The following PHYHIP variants were observed in gnomAD, a reference collection of about 807,000 sequenced individuals.
PHYHIP encodes phytanoyl-CoA hydroxylase-interacting protein.
PHYHIP carries 7 observed loss-of-function variants against 26.1 expected under a neutral mutation model. The ratio of observed to expected loss-of-function variants is 0.27; its 90% CI spans 0.15 to 0.50. The LOEUF is 0.50. PHYHIP is among the 20% of genes least tolerant of loss of function. The pLI, the probability that PHYHIP is intolerant of heterozygous loss-of-function variation, is 0.98. For missense variants in PHYHIP, 232 were observed against 454.7 expected (o/e 0.51, Z 4.45); for synonymous variants, 206 against 183.4 (o/e 1.12, Z -1.00).
chr8:22,227,162 C>T, intron 2 of PHYHIP, 137 bp from the exon 3 acceptor site: 1 of 767,736 alleles, frequency 1.3e-6, no homozygotes, highest in Non-Finnish European at 2.0e-6. Flanking sequence ...TCCAATGGCT[C>T]CATACCCTGG....
At position 22,228,129 on chromosome 8, in the gene PHYHIP, C is replaced by A. The variant is rs528818252; in HGVS notation, c.165+64G>T. ...CTCCAAGCCATCACTTCCAGGTGTT[C>A]CCTTATCCGGCCTCCTTCAGGAACA... On this transcript the variant is annotated intron_variant, in intron 2 of 4. Transcript: ENST00000454243. 457 of 1,367,048 alleles carry A rather than the reference C, an allele frequency of 3.3e-4. 8 individuals carry two copies. In the South Asian group the frequency reaches 4.4e-3, roughly 13 times the overall value. The allele number at this position is 1,367,048 out of a possible 1,614,324, so 84.7% of individuals were successfully genotyped here. A position where few individuals can be genotyped will look rare whatever the true frequency, so the allele number is the denominator to read the frequency against.
chr8:22,224,339 A>G lies in PHYHIP; in HGVS notation c.345T>C (p.Tyr115=), dbSNP rs2131923879. The change falls in exon 4 of 5, where the codon TAT becomes TAC. Residue 115 remains tyrosine, a synonymous_variant. Coordinates refer to ENST00000454243, the MANE Select transcript of PHYHIP (RefSeq NM_014759.5). ...GAAGCTGAGCCAGGTGCTCCTTGGCATAATCTGCAAGATCCCAGATGCGGT... is the reference window on the plus strand; with the variant it reads ...GAAGCTGAGCCAGGTGCTCCTTGGCGTAATCTGCAAGATCCCAGATGCGGT... ...SETVEFCTGD[Y]AKEHLAQLQE... The G allele has an allele frequency of 3.1e-6, 5 of 1,592,434 alleles. No individual in the cohort carries two copies. In the East Asian group the frequency reaches 8.9e-5, roughly 28 times the overall value.
At chr8:22,231,029 C>A (rs1479962525) in intron 1 of PHYHIP, among the ~76,000 whole-genome samples, 1 of 152,200 alleles carries the variant, frequency 6.6e-6, no homozygotes, top group Non-Finnish European at 1.5e-5. Context: ...TCTCTCGAAT[C>A]ATCTCCAGGC....
chr8:22,221,256 A>C lies in PHYHIP; in HGVS notation c.*97T>G. On this transcript the variant is annotated 3_prime_UTR_variant, in exon 5 of 5. Transcript: ENST00000454243. This position sits in a 1 kb window ranked among gnomAD's most constrained non-coding sequence, Gnocchi z 7.9. Reference sequence around the variant, plus strand: ...GGCAGCTGGGCAGAGTGGAGGGAGCAGGGGGGCAGGAGAGAGAAAGCCAGC... The same window carrying C: ...GGCAGCTGGGCAGAGTGGAGGGAGCCGGGGGGCAGGAGAGAGAAAGCCAGC... The C allele has an allele frequency of 1.7e-6, 2 of 1,151,270 alleles. No homozygotes were observed. The highest frequency in any genetic ancestry group is 1.2e-6 in the Non-Finnish European group (1 of 829,546). 71.3% of individuals were successfully genotyped at this position (1,151,270 alleles called of 1,614,324 possible). A position where few individuals can be genotyped will look rare whatever the true frequency, so the allele number is the denominator to read the frequency against.
At chr8:22,228,157 A>G in intron 2 of PHYHIP, 36 bp downstream of exon 2, 1 of 1,595,224 alleles carries the variant, frequency 6.3e-7, no homozygotes, top group Non-Finnish European at 8.6e-7. Flanking sequence ...CAGGAACAGA[A>G]GCTGGGGAGG....
intron 4 of PHYHIP, among the ~76,000 whole-genome samples, chr8:22,223,214 T>C (rs1360055045): frequency 6.6e-6 from 1 of 151,208 alleles, no homozygotes; most frequent in Non-Finnish European, 1.5e-5. Context: ...ATACAAAAAT[T>C]AGCCGGGCAT....
chr8:22,224,991 A>C (rs1016774734), intron 3 of PHYHIP, among the ~76,000 whole-genome samples: 9 of 152,168 alleles, frequency 5.9e-5, no homozygotes, highest in African/African-American at 2.2e-4. Flanking sequence ...CTTGGTACAA[A>C]TTAGAAGATG....
At chr8:22,229,585 G>GC (rs2131933671) in intron 1 of PHYHIP, among the ~76,000 whole-genome samples, 1 of 152,294 alleles carries the variant, frequency 6.6e-6, no homozygotes, top group Non-Finnish European at 1.5e-5. Context: ...GGGAGTGACA[G>GC]CGTCTGGGAG....
At chr8:22,225,467 C>G (rs1829723357) in intron 3 of PHYHIP, among the ~76,000 whole-genome samples, 1 of 151,828 alleles carries the variant, frequency 6.6e-6, no homozygotes, top group South Asian at 2.1e-4. Context: ...GCATTCCAAC[C>G]TGGGCAACAG....
chr8:22,229,607 C>T (rs571775135), intron 1 of PHYHIP, among the ~76,000 whole-genome samples: 7 of 152,216 alleles, frequency 4.6e-5, no homozygotes, highest in East Asian at 1.9e-4. Flanking sequence ...GGACAGCAGA[C>T]GTGGGTGGGG....
chr8:22,225,754 G>A (rs1284564255), intron 3 of PHYHIP, among the ~76,000 whole-genome samples: 7 of 148,854 alleles, frequency 4.7e-5, no homozygotes, highest in South Asian at 2.1e-4. Context: ...GCAGTGAGCC[G>A]AGATCACGCC....
At chr8:22,228,529 C>T in intron 1 of PHYHIP, 143 bp from the exon 2 acceptor site, 2 of 581,502 alleles carry the variant, frequency 3.4e-6, no homozygotes, top group Non-Finnish European at 3.1e-6. Context: ...AAAGACTGTA[C>T]AGGGGAGGCT....
At chr8:22,223,902 T>C in intron 4 of PHYHIP, 1 of 237,198 alleles carries the variant, frequency 4.2e-6, no homozygotes, top group Non-Finnish European at 8.1e-6. Context: ...CCCCAGGGCC[T>C]GAATCGGAGA....
intron 2 of PHYHIP, 132 bp downstream of exon 2, chr8:22,228,061 A>G (rs1475215962): frequency 1.3e-6 from 1 of 761,840 alleles, no homozygotes; most frequent in African/African-American, 1.7e-5. Flanking sequence ...AACTTTCCCA[A>G]AATGACACAG....
rs546457354 is a variant in PHYHIP at position 22,221,252 on chromosome 8, G to C, written c.*101C>G. The C allele has an allele frequency of 1.8e-6, 2 of 1,141,980 alleles. No homozygotes were observed. The highest frequency in any genetic ancestry group is 2.5e-5 in the East Asian group (1 of 39,944). 70.7% of individuals were successfully genotyped at this position (1,141,980 alleles called of 1,614,324 possible). A position where few individuals can be genotyped will look rare whatever the true frequency, so the allele number is the denominator to read the frequency against. On this transcript the variant is annotated 3_prime_UTR_variant, in exon 5 of 5. Coordinates refer to ENST00000454243, the MANE Select transcript of PHYHIP (RefSeq NM_014759.5). This position sits in a 1 kb window ranked among gnomAD's most constrained non-coding sequence, Gnocchi z 7.9. Reference sequence around the variant, plus strand: ...GGAGGGCAGCTGGGCAGAGTGGAGGGAGCAGGGGGGCAGGAGAGAGAAAGC... The same window carrying C: ...GGAGGGCAGCTGGGCAGAGTGGAGGCAGCAGGGGGGCAGGAGAGAGAAAGC...
intron 3 of PHYHIP, among the ~76,000 whole-genome samples, chr8:22,225,665 C>T (rs2131926347): frequency 7.1e-6 from 1 of 140,312 alleles, no homozygotes; most frequent in East Asian, 2.1e-4. Flanking sequence ...AATAGCCAGG[C>T]ATGGTGGTGG....
chr8:22,222,812 C>T (rs1829657495), intron 4 of PHYHIP, among the ~76,000 whole-genome samples: 1 of 152,174 alleles, frequency 6.6e-6, no homozygotes, highest in African/African-American at 2.4e-5. Flanking sequence ...AATCACAGCT[C>T]ACTGCAAGCT....
intron 4 of PHYHIP, 118 bp from the exon 5 acceptor site, chr8:22,222,005 C>T: frequency 1.3e-6 from 1 of 782,304 alleles, no homozygotes; most frequent in Non-Finnish European, 2.0e-6. Flanking sequence ...TCCCAGCCCT[C>T]CCCCAGCCGC....
At chr8:22,224,950 C>T (rs905203041) in intron 3 of PHYHIP, among the ~76,000 whole-genome samples, 1 of 152,142 alleles carries the variant, frequency 6.6e-6, no homozygotes, top group African/African-American at 2.4e-5. Context: ...CCCTGGGGCC[C>T]CAGCAAGGCT....
Sources: allele counts gnomAD v4.1 joint callset (sites outside exome capture counted in the v4.1 genomes callset), GRCh38; gene constraint gnomAD v4.1.1; non-coding constraint Gnocchi (gnomAD v3.1); transcripts MANE v1.5; gene names NCBI Gene and HGNC (gene_info 2026-07-23, HGNC 2026-07-21).